RBM47: variants seen among roughly 807,000 people sequenced by gnomAD.
RBM47 encodes RNA-binding protein 47.
A neutral mutation model predicts 47.1 loss-of-function variants in RBM47; 21 were observed. That is an observed-to-expected ratio of 0.45 (90% CI 0.32 to 0.64). RBM47 has a LOEUF of 0.64. RBM47 is among the 30% of genes least tolerant of loss of function. The pLI is 0.05. For missense variants in RBM47, 708 were observed against 870.9 expected, an observed-to-expected ratio of 0.81 and a Z score of 2.35; for synonymous variants, 375 against 361.7, an observed-to-expected ratio of 1.04 and a Z score of -0.42.
intron 1 of RBM47, among the ~76,000 whole-genome samples, chr4:40,548,413 T>C (rs1729231804): frequency 6.6e-6 from 1 of 152,146 alleles, no homozygotes; most frequent in African/African-American, 2.4e-5. Context: ...GAGGGAGCCA[T>C]CGGAGAATTT....
At chr4:40,526,475 C>T (rs1726722478) in intron 2 of RBM47, among the ~76,000 whole-genome samples, 1 of 149,984 alleles carries the variant, frequency 6.7e-6, no homozygotes, top group Non-Finnish European at 1.5e-5. Context: ...GCAAACATTT[C>T]TGTCATGGGC....
intron 1 of RBM47, among the ~76,000 whole-genome samples, chr4:40,592,667 G>A (rs897320049): frequency 2.0e-4 from 30 of 149,626 alleles, no homozygotes; most frequent in African/African-American, 6.9e-4. Context: ...CAGGTGATCC[G>A]CCCACCTCAG....
intron 2 of RBM47, among the ~76,000 whole-genome samples, chr4:40,540,110 T>C (rs1728363396): frequency 6.6e-6 from 1 of 152,144 alleles, no homozygotes; most frequent in South Asian, 2.1e-4. Flanking sequence ...CCTCCTCTAA[T>C]CTTTCCTACA....
At chr4:40,458,877 G>C (rs1169677676) in intron 3 of RBM47, among the ~76,000 whole-genome samples, 1 of 151,994 alleles carries the variant, frequency 6.6e-6, no homozygotes, top group African/African-American at 2.4e-5. Context: ...ATACCCCATG[G>C]CTTGTTTACT....
At chr4:40,499,647 A>G (rs1723081862) in intron 2 of RBM47, among the ~76,000 whole-genome samples, 1 of 152,120 alleles carries the variant, frequency 6.6e-6, no homozygotes, top group Non-Finnish European at 1.5e-5. Flanking sequence ...TGACCTCATG[A>G]TCCTGCTGCC....
intron 2 of RBM47, among the ~76,000 whole-genome samples, chr4:40,506,322 A>G (rs1724092952): frequency 6.6e-6 from 1 of 152,200 alleles, no homozygotes; most frequent in African/African-American, 2.4e-5. Flanking sequence ...TGAATTCACT[A>G]TTAAGTAAGA....
At chr4:40,492,809 G>C (rs1301676106) in intron 2 of RBM47, among the ~76,000 whole-genome samples, 1 of 152,018 alleles carries the variant, frequency 6.6e-6, no homozygotes, top group East Asian at 1.9e-4. Flanking sequence ...GCGCACACAC[G>C]AGTGTGCAGT....
intron 1 of RBM47, among the ~76,000 whole-genome samples, chr4:40,588,708 T>G (rs973554631): frequency 2.0e-5 from 3 of 152,080 alleles, no homozygotes; most frequent in African/African-American, 7.2e-5. Flanking sequence ...AATGAGCCAT[T>G]ACAAGTATAA....
At chr4:40,443,424 A>C (rs945951223) in intron 3 of RBM47, among the ~76,000 whole-genome samples, 4 of 152,182 alleles carry the variant, frequency 2.6e-5, no homozygotes, top group Non-Finnish European at 5.9e-5. Flanking sequence ...GCCATTAAAA[A>C]ATGATACACT....
At chr4:40,615,982 T>G (rs535458202) in intron 1 of RBM47, among the ~76,000 whole-genome samples, 1 of 152,306 alleles carries the variant, frequency 6.6e-6, no homozygotes, top group Admixed American at 6.5e-5. Context: ...ACAGTTTCTA[T>G]AGCCACGGTT....
intron 2 of RBM47, among the ~76,000 whole-genome samples, chr4:40,517,499 C>T (rs1725718913): frequency 6.6e-6 from 1 of 152,074 alleles, no homozygotes; most frequent in Non-Finnish European, 1.5e-5. Flanking sequence ...GAGTCCAATG[C>T]CTTACTGTTC....
At chr4:40,522,215 T>C (rs114073637) in intron 2 of RBM47, among the ~76,000 whole-genome samples, 1 of 151,982 alleles carries the variant, frequency 6.6e-6, no homozygotes, top group Non-Finnish European at 1.5e-5. Flanking sequence ...TTTAAGAAAC[T>C]ACCTCTTGGC....
At chr4:40,451,964 G>A (rs1327010003) in intron 3 of RBM47, among the ~76,000 whole-genome samples, 1 of 152,220 alleles carries the variant, frequency 6.6e-6, no homozygotes, top group Non-Finnish European at 1.5e-5. Flanking sequence ...GAGGTCAGGA[G>A]TTCGAGACCA....
chr4:40,426,328 G>A, intron 6 of RBM47, 185 bp from the exon 7 acceptor site: 1 of 729,596 alleles, frequency 1.4e-6, no homozygotes, highest in South Asian at 2.0e-5. Context: ...AAGAGGTAAG[G>A]TGGAGCTGCA....
chr4:40,621,061 T>C (rs1737224538), intron 1 of RBM47, among the ~76,000 whole-genome samples: 1 of 151,982 alleles, frequency 6.6e-6, no homozygotes, highest in Non-Finnish European at 1.5e-5. Flanking sequence ...AAACCATGAC[T>C]GACAATAGTC....
intron 1 of RBM47, among the ~76,000 whole-genome samples, chr4:40,625,654 A>C (rs1476785446): frequency 6.6e-6 from 1 of 152,206 alleles, no homozygotes; most frequent in Non-Finnish European, 1.5e-5. Context: ...AGGCACAATC[A>C]GGAGGCTCAT....
intron 2 of RBM47, chr4:40,543,114 G>C (rs1008396390): frequency 6.6e-6 from 1 of 152,138 alleles, no homozygotes; most frequent in Admixed American, 6.6e-5. Context: ...ATAACATGGA[G>C]GTTTTGCAAA....
Position 40,587,332 on chromosome 4 carries a change from A to C in RBM47, c.-240+42064T>G, listed in dbSNP as rs138206687. 1.9e-3 allele frequency among the ~76,000 whole-genome samples: 292 copies of C among 152,178 alleles called. 1 individual carries two copies. The highest frequency in any genetic ancestry group is 6.8e-3 in the African/African-American group (281 of 41,520). On this transcript the variant is annotated intron_variant, in intron 1 of 6. Transcript: ENST00000295971. The stretch of plus-strand genomic sequence containing the variant: ...GGCCACAGGTAGTGCTCAGGGAGGA[A>C]CTGTGGGGCAGGGATGGGGGTTAAC...
intron 2 of RBM47, among the ~76,000 whole-genome samples, chr4:40,499,159 A>G (rs1166848811): frequency 6.6e-6 from 1 of 152,230 alleles, no homozygotes; most frequent in Non-Finnish European, 1.5e-5. Context: ...GTATATTGGA[A>G]TTTGTATTTT....
Sources: gnomAD v4.1 joint callset for allele counts (sites outside exome capture counted in the v4.1 genomes callset) on GRCh38, gnomAD v4.1.1 for gene constraint, MANE v1.5 for transcripts, NCBI Gene and HGNC (gene_info 2026-07-23, HGNC 2026-07-21) for gene names.